The following NLRP5 variants were observed in gnomAD, a reference collection of about 807,000 sequenced individuals.
The protein encoded by NLRP5 is NACHT, LRR and PYD domains-containing protein 5.
Under a neutral mutation model 113.1 loss-of-function variants are expected in NLRP5, and 93 were observed. The observed-to-expected ratio is 0.82, with a 90% confidence interval of 0.70 to 0.98. The LOEUF is 0.98. NLRP5 is among the 50% of genes least tolerant of loss of function. The probability of loss-of-function intolerance (pLI) is 0.00; values close to 1 mark genes in which losing one functional copy is unlikely to be tolerated. For synonymous variants in NLRP5, 751 were observed against 600.7 expected, an observed-to-expected ratio of 1.25 and a Z score of -3.66; for missense variants, 1,808 against 1,514.3, an observed-to-expected ratio of 1.19 and a Z score of -3.22.
At chr19:56,059,442 C>T (rs955994213) in intron 14 of NLRP5, among the ~76,000 whole-genome samples, 1 of 152,178 alleles carries the variant, frequency 6.6e-6, no homozygotes, top group African/African-American at 2.4e-5. Flanking sequence ...TGAAGGAACA[C>T]AGTTGTACTT....
intron 1 of NLRP5, among the ~76,000 whole-genome samples, chr19:56,001,283 C>G (rs538214982): frequency 6.8e-6 from 1 of 146,112 alleles, no homozygotes; most frequent in African/African-American, 2.5e-5. Flanking sequence ...TGTGACTGCA[C>G]CACTGCACTC....
chr19:55,990,063 C>CT, the NLRP5 span, among the ~76,000 whole-genome samples: 5 of 97,532 alleles, frequency 5.1e-5, no homozygotes, highest in African/African-American at 1.8e-4. Context: ...CATGCCGTTT[C>CT]TTTTTTTTCT....
upstream of NLRP5, among the ~76,000 whole-genome samples, chr19:55,995,380 T>C (rs1259829071): frequency 6.6e-6 from 1 of 152,146 alleles, no homozygotes; most frequent in Non-Finnish European, 1.5e-5. Context: ...TATTAAAATA[T>C]TCTAACAAGT....
chr19:56,003,091 C>T (rs1377536381), intron 1 of NLRP5, among the ~76,000 whole-genome samples: 2 of 151,274 alleles, frequency 1.3e-5, no homozygotes, highest in Non-Finnish European at 2.9e-5. Flanking sequence ...TTTGACCCAG[C>T]CATCCCATTA....
intron 14 of NLRP5, among the ~76,000 whole-genome samples, chr19:56,059,930 G>A (rs1984290873): frequency 6.6e-6 from 1 of 152,164 alleles, no homozygotes; most frequent in Non-Finnish European, 1.5e-5. Flanking sequence ...TTCAAGTTAT[G>A]GCACATGGGT....
chr19:56,032,764 C>T lies in NLRP5; in HGVS notation c.2430C>T (p.Cys810=), dbSNP rs746153531. 2.5e-6 allele frequency: 4 copies of T among 1,610,990 alleles called. No individual in the cohort carries two copies. The East Asian group carries it at 8.9e-5, about 36-fold the overall frequency. ...GTGCCAAGCTGAGGCATCCCACCTG[C>T]AAGATACAGACCCTGATGTAAGGCT... Residue 810 remains cysteine (C), a synonymous_variant, in exon 8 of 15, where the codon TGC becomes TGT. Transcript: ENST00000390649.
At chr19:56,009,570 C>T (rs923340198) in intron 3 of NLRP5, among the ~76,000 whole-genome samples, 2 of 152,068 alleles carry the variant, frequency 1.3e-5, no homozygotes, top group Non-Finnish European at 2.9e-5. Flanking sequence ...TGCGTATTTA[C>T]AATACATCGT....
rs1288300442 is a variant in NLRP5, at chr19:56,041,027, G to C, written c.2892G>C (p.Gly964=). The C allele has an allele frequency of 6.2e-7, 1 of 1,613,980 alleles. No individual in the cohort carries two copies. The highest frequency in any genetic ancestry group is 8.5e-7 in the Non-Finnish European group (1 of 1,179,872). ...TGTGCCTATCCAACAACAGCCTGGG[G>C]AACGAAGGTGTAAATCTACTGTGTC... Residue 964 remains glycine, a synonymous_variant, in exon 11 of 15, where the codon GGG becomes GGC. Transcript: ENST00000390649.
At chr19:56,018,238 T>TA (rs1419836519) in intron 4 of NLRP5, among the ~76,000 whole-genome samples, 2 of 152,334 alleles carry the variant, frequency 1.3e-5, no homozygotes, top group African/African-American at 4.8e-5. Flanking sequence ...TTTGTGATTT[T>TA]AAAAAATCTA....
chr19:56,053,490 A>G (rs573111267), intron 12 of NLRP5, 148 bp from the exon 13 acceptor site: 1 of 587,318 alleles, frequency 1.7e-6, no homozygotes, highest in Admixed American at 3.0e-5. Context: ...AACAGATACC[A>G]CGTGGTCTAA....
the NLRP5 span, chr19:55,988,504 C>G: frequency 6.9e-6 from 1 of 145,350 alleles, no homozygotes; most frequent in Non-Finnish European, 1.5e-5. Context: ...CTTTGAGTCA[C>G]CTAAGACAGG....
chr19:56,016,878 A>C lies in NLRP5; in HGVS notation c.565+1080A>C, dbSNP rs532153867. On this transcript the variant is annotated intron_variant, in intron 4 of 14. Transcript: ENST00000390649. ...GGCTGGGGTGCAGTGGCGCGATCTC[A>C]GCTCACTGCAAGCTCCGCCTCCTGG... Among the ~76,000 whole-genome samples, 52 of 152,160 alleles carry C rather than the reference A, an allele frequency of 3.4e-4. 1 individual carries two copies. The highest frequency in any genetic ancestry group is 6.8e-3 in the Middle Eastern group (2 of 294).
Position 56,040,948 on chromosome 19 carries a change from C to T in NLRP5, c.2813C>T (p.Thr938Met). The change falls in exon 11 of 15, where the codon ACG becomes ATG. Residue 938 changes from threonine to methionine, a missense_variant. Physicochemically the swap from Thr to Met is moderately conservative, Grantham distance 81. Coordinates refer to ENST00000390649, the MANE Select transcript of NLRP5 (RefSeq NM_153447.4). ...CTGGAGGACTGTGGCATCACAGCCA[C>T]GGGTTGCCAGAGTCTGGCCTCAGCC... 4.3e-6 allele frequency: 7 copies of T among 1,613,894 alleles called. No homozygotes were observed. The highest frequency in any genetic ancestry group is 2.2e-5 in the East Asian group (1 of 44,874).
chr19:56,024,513 G>GCATA (rs754511074), intron 6 of NLRP5, among the ~76,000 whole-genome samples: 19 of 92,536 alleles, frequency 2.1e-4, no homozygotes, highest in Non-Finnish European at 3.8e-4. Context: ...ATATGTATAT[G>GCATA]TGTATGTATA....
At chr19:55,997,936 C>T (rs1981383980), upstream of NLRP5, among the ~76,000 whole-genome samples, 1 of 152,024 alleles carries the variant, frequency 6.6e-6, no homozygotes, top group African/African-American at 2.4e-5. Context: ...TTTATACATC[C>T]ATTGAAGCTA....
intron 6 of NLRP5, among the ~76,000 whole-genome samples, chr19:56,020,906 C>T (rs1982588201): frequency 1.3e-5 from 2 of 148,234 alleles, no homozygotes; most frequent in African/African-American, 5.0e-5. Context: ...AGGAGTCTCG[C>T]TGTGTCGCCC....
chr19:56,048,979 ATTTT>A (rs60229740), intron 11 of NLRP5, among the ~76,000 whole-genome samples: 18 of 94,954 alleles, frequency 1.9e-4, no homozygotes, highest in Admixed American at 8.1e-4. Flanking sequence ...TTTTTTTTTA[ATTTT>A]TTTTTTTTTT....
intron 13 of NLRP5, among the ~76,000 whole-genome samples, chr19:56,056,711 G>A (rs987187063): frequency 1.3e-5 from 2 of 152,126 alleles, no homozygotes; most frequent in Non-Finnish European, 2.9e-5. Context: ...CCTCCCTACT[G>A]GATGTTTTGT....
chr19:55,995,103 G>T (rs373571808), upstream of NLRP5, among the ~76,000 whole-genome samples: 1 of 152,090 alleles, frequency 6.6e-6, no homozygotes, highest in African/African-American at 2.4e-5. Context: ...GCAAACTATC[G>T]CAAGGACAGA....
Sources: allele counts gnomAD v4.1 joint callset (sites outside exome capture counted in the v4.1 genomes callset), GRCh38; gene constraint gnomAD v4.1.1; transcripts MANE v1.5; gene names NCBI Gene and HGNC (gene_info 2026-07-23, HGNC 2026-07-21).